The following RAI2 variants were observed in gnomAD, a reference collection of about 807,000 sequenced individuals.
RAI2 encodes the protein retinoic acid-induced protein 2.
Under a neutral mutation model 15.3 loss-of-function variants are expected in RAI2, and 5 were observed. The ratio of observed to expected loss-of-function variants is 0.33; its 90% CI spans 0.17 to 0.69. The LOEUF (loss-of-function observed/expected upper bound fraction) is 0.69, where lower values mean the gene tolerates loss of function less well. Ranked by LOEUF, RAI2 falls within the 30% of genes least tolerant of loss-of-function variation. RAI2 has a pLI of 0.69. For synonymous variants in RAI2, 191 were observed against 184.0 expected (o/e 1.04, Z -0.31); for missense variants, 424 against 424.7 (o/e 1.00, Z 0.01).
At chrX:17,853,266 C>G (rs1481353810) in intron 1 of RAI2, among the ~76,000 whole-genome samples, 1 of 112,121 alleles carries the variant, frequency 8.9e-6, no homozygotes, top group Non-Finnish European at 1.9e-5. Flanking sequence ...GACCCTTCCA[C>G]CAACCTTAGA....
intron 1 of RAI2, among the ~76,000 whole-genome samples, chrX:17,838,548 C>A (rs1305265305): frequency 9.1e-6 from 1 of 110,302 alleles, no homozygotes; most frequent in African/African-American, 3.3e-5. Flanking sequence ...CCACAGGAAA[C>A]AGAGAAGACA....
rs1008602725 is a variant in RAI2 at position 17,824,116 on chromosome X, G to A, written c.-24-22082C>T. Among the ~76,000 whole-genome samples, 3 of 112,837 alleles carry A rather than the reference G, an allele frequency of 2.7e-5. No homozygotes were observed. The Admixed American group carries it at 2.8e-4, about 11-fold the overall frequency. ...TGAATGAACGAACGAAGAAACAAACGAATACAGCTGCATAGCAAATGTCTG... is the reference window on the plus strand; with the variant it reads ...TGAATGAACGAACGAAGAAACAAACAAATACAGCTGCATAGCAAATGTCTG... On this transcript the variant is annotated intron_variant, in intron 1 of 1. Coordinates refer to ENST00000451717, the MANE Select transcript of RAI2 (RefSeq NM_021785.6).
intron 1 of RAI2, among the ~76,000 whole-genome samples, chrX:17,813,033 C>T (rs752746812): frequency 1.8e-5 from 2 of 110,237 alleles, no homozygotes; most frequent in South Asian, 3.8e-4. Context: ...CTTCTTAGCA[C>T]AGTGAGGACA....
At chrX:17,843,185 C>T (rs1476930847) in intron 1 of RAI2, among the ~76,000 whole-genome samples, 2 of 111,340 alleles carry the variant, frequency 1.8e-5, no homozygotes, top group Non-Finnish European at 3.8e-5. Flanking sequence ...AGCACACTTG[C>T]CTGTGGGTTT....
chrX:17,847,088 GA>G (rs1223478234), intron 1 of RAI2, among the ~76,000 whole-genome samples: 1 of 111,733 alleles, frequency 8.9e-6, no homozygotes, highest in Non-Finnish European at 1.9e-5. Context: ...GTGGAACTGT[GA>G]GTCCATTAAA....
intron 1 of RAI2, among the ~76,000 whole-genome samples, chrX:17,840,171 C>T (rs992419335): frequency 5.4e-5 from 6 of 111,944 alleles, no homozygotes; most frequent in Middle Eastern, 4.6e-3. Context: ...CATCACTGGC[C>T]CTTCACCCAT....
At chrX:17,860,329 G>A (rs1387721115) in intron 1 of RAI2, among the ~76,000 whole-genome samples, 1 of 112,693 alleles carries the variant, frequency 8.9e-6, no homozygotes, top group African/African-American at 3.2e-5. Flanking sequence ...CCCCGAAAAA[G>A]CCACCGCGGA....
At chrX:17,856,318 G>A (rs2067603466) in intron 1 of RAI2, among the ~76,000 whole-genome samples, 1 of 111,891 alleles carries the variant, frequency 8.9e-6, no homozygotes, top group Admixed American at 9.5e-5. Context: ...CAACGTGATG[G>A]TATTAAGAGG....
intron 1 of RAI2, among the ~76,000 whole-genome samples, chrX:17,832,905 C>T (rs930822068): frequency 1.8e-5 from 2 of 111,682 alleles, no homozygotes; most frequent in Non-Finnish European, 3.8e-5. Context: ...GGATCCAGAA[C>T]GCTTGTTTAT....
At chrX:17,854,169 C>T (rs1172053796) in intron 1 of RAI2, among the ~76,000 whole-genome samples, 1 of 112,024 alleles carries the variant, frequency 8.9e-6, no homozygotes, top group Non-Finnish European at 1.9e-5. Context: ...CCTTAGTGAG[C>T]AAAACATGCA....
At chrX:17,856,180 G>A (rs1236936413) in intron 1 of RAI2, among the ~76,000 whole-genome samples, 1 of 112,215 alleles carries the variant, frequency 8.9e-6, no homozygotes. Context: ...ACAAGGATTG[G>A]GATGTTCAAG....
intron 1 of RAI2, among the ~76,000 whole-genome samples, chrX:17,840,557 G>A (rs2067385546): frequency 9.0e-6 from 1 of 111,708 alleles, no homozygotes. Flanking sequence ...GGTAGGATAA[G>A]TTACCTAGTG....
intron 1 of RAI2, 80 bp downstream of exon 1, chrX:17,861,018 G>T (rs1339454146): frequency 9.5e-6 from 1 of 105,670 alleles, no homozygotes; most frequent in East Asian, 3.0e-4. Flanking sequence ...AGCCCGGCGC[G>T]CCCCCTGCGT....
At chrX:17,826,959 T>C (rs181655495) in intron 1 of RAI2, among the ~76,000 whole-genome samples, 317 of 112,740 alleles carry the variant, frequency 2.8e-3, no homozygotes, top group Non-Finnish European at 4.9e-3. Context: ...TAGTTCTTTA[T>C]AGCAATGTGA....
intron 1 of RAI2, among the ~76,000 whole-genome samples, chrX:17,842,555 T>C (rs185662325): frequency 1.4e-3 from 152 of 106,104 alleles, no homozygotes; most frequent in Non-Finnish European, 2.2e-3. Flanking sequence ...TAGGGAAACA[T>C]AAATGATCGG....
chrX:17,802,609 C>T (rs2066928134), intron 1 of RAI2, among the ~76,000 whole-genome samples: 1 of 111,995 alleles, frequency 8.9e-6, no homozygotes, highest in Non-Finnish European at 1.9e-5. Flanking sequence ...ATGACATTCC[C>T]ATTTCTCCCA....
intron 1 of RAI2, among the ~76,000 whole-genome samples, chrX:17,853,345 T>C (rs2045698935): frequency 8.9e-6 from 1 of 112,084 alleles, no homozygotes; most frequent in African/African-American, 3.2e-5. Context: ...TTTATAAAAG[T>C]CAGAGGGGGA....
chrX:17,831,867 G>GC (rs1340730946), intron 1 of RAI2, among the ~76,000 whole-genome samples: 3 of 112,289 alleles, frequency 2.7e-5, no homozygotes, highest in Non-Finnish European at 1.9e-5. Flanking sequence ...TTTCTGAGCA[G>GC]CCCTAGAACT....
chrX:17,811,403 A>C (rs2067048316), intron 1 of RAI2, among the ~76,000 whole-genome samples: 1 of 112,355 alleles, frequency 8.9e-6, no homozygotes, highest in Non-Finnish European at 1.9e-5. Context: ...GTCACGTTTA[A>C]GGTCTTGGGC....
Sources: allele counts gnomAD v4.1 joint callset (sites outside exome capture counted in the v4.1 genomes callset), GRCh38; gene constraint gnomAD v4.1.1; transcripts MANE v1.5; gene names NCBI Gene and HGNC (gene_info 2026-07-23, HGNC 2026-07-21).